Variants in LRRC7 observed in about 807,000 individuals in gnomAD.
LRRC7 encodes the protein leucine-rich repeat-containing protein 7.
In LRRC7, 23 loss-of-function variants were observed where a neutral mutation model predicts 175.7. The observed-to-expected ratio is 0.13, with a 90% CI of 0.09 to 0.19. LRRC7 has a LOEUF of 0.19. Ranked by LOEUF, LRRC7 falls within the 10% of genes least tolerant of loss-of-function variation. LRRC7 has a pLI of 1.00. For synonymous variants in LRRC7, 685 were observed against 680.9 expected, an observed-to-expected ratio of 1.01 and a Z score of -0.09; for missense variants, 1,354 against 1,904.7, an observed-to-expected ratio of 0.71 and a Z score of 5.38.
intron 1 of LRRC7, among the ~76,000 whole-genome samples, chr1:69,629,843 A>C (rs377430095): frequency 2.0e-5 from 3 of 152,150 alleles, no homozygotes; most frequent in East Asian, 3.9e-4. Context: ...CATTTTATTC[A>C]GTAACTATTT....
intron 17 of LRRC7, among the ~76,000 whole-genome samples, chr1:70,027,887 T>G (rs1658291907): frequency 6.6e-6 from 1 of 152,162 alleles, no homozygotes; most frequent in Non-Finnish European, 1.5e-5. Context: ...TACCAATCAC[T>G]TAAGTGTTTT....
intron 1 of LRRC7, among the ~76,000 whole-genome samples, chr1:69,604,003 G>A (rs1749510): frequency 0.13 from 19,718 of 151,942 alleles, 1,634 homozygotes; most frequent in South Asian, 0.19. Flanking sequence ...TATGAATAGT[G>A]TAAAAAATTC....
chr1:69,939,543 C>G (rs1648486022), intron 8 of LRRC7, among the ~76,000 whole-genome samples: 1 of 152,034 alleles, frequency 6.6e-6, no homozygotes, highest in Admixed American at 6.6e-5. Flanking sequence ...AGCCACTTGT[C>G]AAAATGGCAG....
intron 3 of LRRC7, among the ~76,000 whole-genome samples, chr1:69,777,867 C>T (rs947868768): frequency 6.6e-6 from 1 of 152,160 alleles, no homozygotes; most frequent in African/African-American, 2.4e-5. Context: ...ATTCCTCACA[C>T]AGCCAACAGT....
chr1:69,591,047 A>C (rs1407096939), intron 1 of LRRC7, among the ~76,000 whole-genome samples: 1 of 152,090 alleles, frequency 6.6e-6, no homozygotes, highest in Non-Finnish European at 1.5e-5. Flanking sequence ...ATAAAGTTTA[A>C]TTTTCGATAA....
chr1:70,059,158 C>T (rs1477927568), intron 23 of LRRC7, among the ~76,000 whole-genome samples: 1 of 152,176 alleles, frequency 6.6e-6, no homozygotes, highest in African/African-American at 2.4e-5. Context: ...CAAAGGTCTC[C>T]TTTAGCATCA....
At chr1:69,815,642 A>C (rs564891787) in intron 4 of LRRC7, among the ~76,000 whole-genome samples, 1 of 152,194 alleles carries the variant, frequency 6.6e-6, no homozygotes, top group Non-Finnish European at 1.5e-5. Context: ...GAACTTAGAG[A>C]ATATGGCTTT....
At chr1:69,901,209 A>G (rs935089832) in intron 7 of LRRC7, among the ~76,000 whole-genome samples, 1 of 152,204 alleles carries the variant, frequency 6.6e-6, no homozygotes, top group Non-Finnish European at 1.5e-5. Context: ...TCATCCAAGA[A>G]GTAAGAAGGG....
chr1:69,620,657 T>A (rs1485491182), intron 1 of LRRC7, among the ~76,000 whole-genome samples: 1 of 152,186 alleles, frequency 6.6e-6, no homozygotes, highest in African/African-American at 2.4e-5. Context: ...GCACTGAAAG[T>A]TCGTAATGAC....
chr1:69,772,154 GAAAAT>G (rs987264801), intron 3 of LRRC7, among the ~76,000 whole-genome samples: 4 of 151,978 alleles, frequency 2.6e-5, no homozygotes, highest in African/African-American at 9.7e-5. Context: ...GAAAGAAAAA[GAAAAT>G]AAAATAAAGG....
intron 1 of LRRC7, among the ~76,000 whole-genome samples, chr1:69,627,571 T>C (rs1651801598): frequency 6.6e-6 from 1 of 152,186 alleles, no homozygotes; most frequent in Non-Finnish European, 1.5e-5. Context: ...AGAAGCTCTT[T>C]AGTTTAATTA....
intron 18 of LRRC7, among the ~76,000 whole-genome samples, chr1:70,034,432 C>T (rs2102013170): frequency 6.6e-6 from 1 of 152,230 alleles, no homozygotes; most frequent in South Asian, 2.1e-4. Context: ...CTCTGTGAAG[C>T]CCGTGTGAAA....
intron 8 of LRRC7, among the ~76,000 whole-genome samples, chr1:69,960,949 C>G (rs1007386567): frequency 6.6e-6 from 1 of 152,144 alleles, no homozygotes; most frequent in African/African-American, 2.4e-5. Context: ...TCTCACCACT[C>G]CTATTCAACA....
chr1:69,885,867 G>A (rs1380548465), intron 7 of LRRC7, among the ~76,000 whole-genome samples: 7 of 123,268 alleles, frequency 5.7e-5, no homozygotes, highest in Admixed American at 1.7e-4. Flanking sequence ...CCTTCATTTC[G>A]TTATGTATCC....
intron 7 of LRRC7, among the ~76,000 whole-genome samples, chr1:69,847,970 C>T (rs1287088761): frequency 6.6e-6 from 1 of 152,114 alleles, no homozygotes; most frequent in African/African-American, 2.4e-5. Flanking sequence ...TTCACAATCT[C>T]ACGAGGTTTC....
chr1:69,903,215 G>T (rs1380593063), intron 7 of LRRC7, among the ~76,000 whole-genome samples: 1 of 152,170 alleles, frequency 6.6e-6, no homozygotes, highest in African/African-American at 2.4e-5. Context: ...GCTCCAGTCT[G>T]CAGCTCCCAG....
intron 5 of LRRC7, among the ~76,000 whole-genome samples, chr1:69,832,100 T>C (rs1408144515): frequency 1.3e-5 from 2 of 152,188 alleles, no homozygotes; most frequent in East Asian, 3.8e-4. Flanking sequence ...AGCAGTGTAT[T>C]TGGGAGATAA....
intron 7 of LRRC7, among the ~76,000 whole-genome samples, chr1:69,840,656 A>T (rs1681619024): frequency 1.3e-5 from 2 of 152,066 alleles, no homozygotes; most frequent in Admixed American, 1.3e-4. Flanking sequence ...TTTCAGTTAC[A>T]AAAACAAATT....
chr1:69,874,429 T>C lies in LRRC7; in HGVS notation c.647+36146T>C, dbSNP rs188423312. On this transcript the variant is annotated intron_variant, in intron 7 of 26. Transcript: ENST00000651989. Reference sequence around the variant, plus strand: ...CTGATGCCTAATGCAGTACAGCAAATTCATTCTTCATCCCATGTTAACTCC... The same window carrying C: ...CTGATGCCTAATGCAGTACAGCAAACTCATTCTTCATCCCATGTTAACTCC... The C allele has an allele frequency of 2.6e-5, 4 of 152,258 alleles. No individual in the cohort carries two copies. In the East Asian group the frequency reaches 7.7e-4, roughly 29 times the overall value. The allele number at this position is 152,258 out of a possible 1,614,324, so 9.4% of individuals were successfully genotyped here. A position where few individuals can be genotyped will look rare whatever the true frequency, so the allele number is the denominator to read the frequency against.
Sources: allele counts gnomAD v4.1 joint callset (sites outside exome capture counted in the v4.1 genomes callset), GRCh38; gene constraint gnomAD v4.1.1; transcripts MANE v1.5; gene names NCBI Gene and HGNC (gene_info 2026-07-23, HGNC 2026-07-21).